ARL9: variants seen among roughly 807,000 people sequenced by gnomAD.
ARL9 encodes the protein ADP-ribosylation factor-like protein 9.
In ARL9, 14 loss-of-function variants were observed where a neutral mutation model predicts 27.0. The observed-to-expected ratio is 0.52, with a 90% confidence interval of 0.34 to 0.81. The LOEUF (loss-of-function observed/expected upper bound fraction) is 0.81. Among genes scored for constraint, ARL9 ranks in the 30% least tolerant of loss-of-function variants. ARL9 has a pLI of 0.01. For missense variants in ARL9, 294 were observed against 290.0 expected, an observed-to-expected ratio of 1.01 and a Z score of -0.10; for synonymous variants, 106 against 108.7, an observed-to-expected ratio of 0.98 and a Z score of 0.15.
At chr4:56,511,761 C>T (rs1721641559) in intron 2 of ARL9, among the ~76,000 whole-genome samples, 2 of 152,178 alleles carry the variant, frequency 1.3e-5, no homozygotes, top group Non-Finnish European at 2.9e-5. Flanking sequence ...GATAGTAATT[C>T]TGGAGTCACC....
chr4:56,506,548 T>A (rs1288728677), intron 1 of ARL9: 13 of 892,784 alleles, frequency 1.5e-5, no homozygotes, highest in Non-Finnish European at 1.7e-5. Flanking sequence ...TTGCATTGAA[T>A]GCGTTCTTTG....
chr4:56,509,684 A>G (rs936433026), intron 1 of ARL9, among the ~76,000 whole-genome samples: 1 of 124,690 alleles, frequency 8.0e-6, no homozygotes, highest in Non-Finnish European at 1.6e-5. Context: ...ACAGGCACCC[A>G]CCACTGCACT....
At chr4:56,512,806 T>C (rs1721673269) in intron 2 of ARL9, among the ~76,000 whole-genome samples, 1 of 152,150 alleles carries the variant, frequency 6.6e-6, no homozygotes, top group African/African-American at 2.4e-5. Context: ...CCTCCCAAAG[T>C]ACTCAGATTC....
Position 56,518,740 on chromosome 4 carries a change from A to G in ARL9, c.505A>G (p.Ile169Val). 2 of 1,613,902 alleles carry G rather than the reference A, an allele frequency of 1.2e-6. No individual in the cohort carries two copies. ...EMYLSKGLLL[I>V]FVVDSADHSR... ...GTACCTATCCAAGGGATTGCTGCTG[A>G]TCTTTGTGGTGGATTCAGCAGATCA... Residue 169 changes from isoleucine (I) to valine (V), a missense_variant, in exon 3 of 4, where the codon ATC (isoleucine) becomes GTC (valine). Physicochemically the swap from Ile to Val is conservative, Grantham distance 29. Transcript: ENST00000640821.
chr4:56,521,239 A>C (rs1263791447), intron 3 of ARL9, among the ~76,000 whole-genome samples: 1 of 150,808 alleles, frequency 6.6e-6, no homozygotes, highest in African/African-American at 2.4e-5. Flanking sequence ...AAAAAGAGAG[A>C]GGCTGATGCT....
chr4:56,506,098 A>C lies in ARL9; in HGVS notation c.236A>C (p.Glu79Ala). 8.1e-7 allele frequency: 1 copy of C among 1,234,170 alleles called. No individual in the cohort carries two copies. The highest frequency in any genetic ancestry group is 1.0e-6 in the Non-Finnish European group (1 of 989,458). The allele number at this position is 1,234,170 out of a possible 1,614,324, so 76.5% of individuals were successfully genotyped here. A position where few individuals can be genotyped will look rare whatever the true frequency, so the allele number is the denominator to read the frequency against. ...EQFKGQEEKG[E>A]NKDSTLTRTP... is the part of the protein sequence containing the mutation. ...TTTAAGGGACAAGAAGAGAAAGGGG[A>C]GAACAAGGACAGCACCTTGACAAGG... Residue 79 changes from glutamate to alanine, a missense_variant, in exon 1 of 4, where the codon GAG becomes GCG. Transcript: ENST00000640821.
chr4:56,516,190 C>T (rs1435330467), intron 2 of ARL9, among the ~76,000 whole-genome samples: 1 of 151,430 alleles, frequency 6.6e-6, no homozygotes, highest in Non-Finnish European at 1.5e-5. Context: ...AATTAGTTTC[C>T]TGCCTCCTAT....
rs1179935749 is a variant in ARL9 at position 56,524,118 on chromosome 4, A to T, written c.*242A>T. 2.5e-6 allele frequency: 1 copy of T among 406,654 alleles called. No homozygotes were observed. The highest frequency in any genetic ancestry group is 4.4e-6 in the Non-Finnish European group (1 of 229,286). The allele number at this position is 406,654 out of a possible 1,614,324, so 25.2% of individuals were successfully genotyped here. A position where few individuals can be genotyped will look rare whatever the true frequency, so the allele number is the denominator to read the frequency against. On this transcript the variant is annotated 3_prime_UTR_variant, in exon 4 of 4. Transcript: ENST00000640821. ...GAATAATAACACAACAATAAAAATA[A>T]TACACATTTTAAAATACAATATAAC...
intron 1 of ARL9, 74 bp from the exon 2 acceptor site, chr4:56,511,111 T>C (rs1202133457): frequency 4.4e-6 from 6 of 1,353,762 alleles, no homozygotes; most frequent in African/African-American, 4.4e-5. Context: ...AAGAATATTA[T>C]TGGATTCTGC....
chr4:56,516,692 A>G (rs899223550), intron 2 of ARL9, among the ~76,000 whole-genome samples: 10 of 151,996 alleles, frequency 6.6e-5, no homozygotes, highest in African/African-American at 2.2e-4. Flanking sequence ...GCACTTTGGG[A>G]AGCCAAGGTG....
chr4:56,509,183 T>TTTATTC (rs1553949430), intron 1 of ARL9, among the ~76,000 whole-genome samples: 1 of 149,698 alleles, frequency 6.7e-6, no homozygotes, highest in African/African-American at 2.5e-5. Context: ...GATAGAATGC[T>TTTATTC]TTTTTCTTTT....
chr4:56,505,871 G>A lies in ARL9; in HGVS notation c.9G>A (p.Arg3=). Residue 3 remains arginine, a synonymous_variant, in exon 1 of 4, where the codon AGG becomes AGA. Transcript: ENST00000640821. The stretch of plus-strand genomic sequence containing the variant: ...AAACCGCGGCGCTGGGGATGGAGAG[G>A]GGGAAAGTGAAGAAGAAAGAGAAGG... ME[R]GKVKKKEKEK... is the part of the protein sequence containing the mutation. 2 of 1,269,874 alleles carry A rather than the reference G, an allele frequency of 1.6e-6. No individual in the cohort carries two copies. The highest frequency in any genetic ancestry group is 2.0e-6 in the Non-Finnish European group (2 of 1,009,790). The allele number at this position is 1,269,874 out of a possible 1,614,324, so 78.7% of individuals were successfully genotyped here.
rs1396794090 is a variant in ARL9 at position 56,524,385 on chromosome 4, A to G, written c.*509A>G. The G allele has an allele frequency of 6.6e-6, 1 of 152,600 alleles. No individual in the cohort carries two copies. The highest frequency in any genetic ancestry group is 1.5e-5 in the Non-Finnish European group (1 of 68,334). The allele number at this position is 152,600 out of a possible 1,614,324, so 9.5% of individuals were successfully genotyped here. On this transcript the variant is annotated 3_prime_UTR_variant, in exon 4 of 4. Coordinates refer to ENST00000640821, the MANE Select transcript of ARL9 (RefSeq NM_001363794.2). ...TCTATTTGGATTTTGAATGTTAAAA[A>G]TATTTGTAAAACAGTGTATTGGGGG...
At chr4:56,516,584 CAAAAAAAAAAAA>C (rs10718013) in intron 2 of ARL9, among the ~76,000 whole-genome samples, 1 of 120,848 alleles carries the variant, frequency 8.3e-6, no homozygotes, top group Non-Finnish European at 1.8e-5. Context: ...TCAAATTAGG[CAAAAAAAAAAAA>C]AAAAAAGAAA....
At chr4:56,515,547 A>C (rs1721745764) in intron 2 of ARL9, among the ~76,000 whole-genome samples, 1 of 152,198 alleles carries the variant, frequency 6.6e-6, no homozygotes, top group African/African-American at 2.4e-5. Context: ...CGTAAGAATT[A>C]GAGAGGAAGA....
At chr4:56,519,777 C>T (rs768618599) in intron 3 of ARL9, among the ~76,000 whole-genome samples, 1 of 151,896 alleles carries the variant, frequency 6.6e-6, no homozygotes, top group Non-Finnish European at 1.5e-5. Context: ...ATGTTCATAG[C>T]AGCATTACTC....
intron 1 of ARL9, among the ~76,000 whole-genome samples, chr4:56,509,444 C>A (rs963875135): frequency 2.4e-4 from 36 of 152,044 alleles, no homozygotes; most frequent in African/African-American, 8.7e-4. Flanking sequence ...AAGCGATCCA[C>A]CAGCGTCAGC....
upstream of ARL9, chr4:56,505,604 G>A (rs1260186158): frequency 3.3e-6 from 2 of 605,182 alleles, no homozygotes; most frequent in East Asian, 3.1e-5. Context: ...GCTTGGCTGG[G>A]CTCAATCCAT....
chr4:56,507,867 TC>T (rs1287989460), intron 1 of ARL9, among the ~76,000 whole-genome samples: 1 of 150,692 alleles, frequency 6.6e-6, no homozygotes, highest in Non-Finnish European at 1.5e-5. Context: ...TCCCAGCTAC[TC>T]GGGAGGCTGA....
Sources: allele counts gnomAD v4.1 joint callset (sites outside exome capture counted in the v4.1 genomes callset), GRCh38; gene constraint gnomAD v4.1.1; transcripts MANE v1.5; gene names NCBI Gene and HGNC (gene_info 2026-07-23, HGNC 2026-07-21).